The following SVBP variants were observed in gnomAD, a reference collection of about 807,000 sequenced individuals.
SVBP encodes small vasohibin-binding protein.
Under a neutral mutation model 9.2 loss-of-function variants are expected in SVBP, and 9 were observed. The ratio of observed to expected loss-of-function variants is 0.98; its 90% confidence interval spans 0.59 to 1.71. The LOEUF is 1.71. SVBP is among the 40% of genes most tolerant of loss of function. The pLI is 0.00. For missense variants in SVBP, 63 were observed against 73.2 expected (o/e 0.86, Z 0.51); for synonymous variants, 27 against 23.9 (o/e 1.13, Z -0.37).
At chr1:42,817,060 G>T (rs577262930) in intron 1 of SVBP, 130 bp downstream of exon 1, 70 of 90,394 alleles carry the variant, frequency 7.7e-4, no homozygotes, top group South Asian at 2.7e-3. Flanking sequence ...GCCCCCCACC[G>T]CCCGGCCCCC....
At chr1:42,810,127 C>CATACAT (rs1437390664) in intron 2 of SVBP, among the ~76,000 whole-genome samples, 1 of 100,798 alleles carries the variant, frequency 9.9e-6, no homozygotes, top group African/African-American at 4.5e-5. Flanking sequence ...TACATACATA[C>CATACAT]ACACACACAC....
chr1:42,807,471 TTC>T lies in SVBP; in HGVS notation c.142_143del (p.Glu48ThrfsTer7), dbSNP rs1425081495. 6.2e-7 allele frequency: 1 copy of T among 1,613,914 alleles called. No homozygotes were observed. Among genetic ancestry groups the T allele is most frequent in the African/African-American group, 1.3e-5 (1 of 74,928 alleles). On this transcript the variant is annotated frameshift_variant, in exon 3 of 3. Coordinates refer to ENST00000372521, the MANE Select transcript of SVBP (RefSeq NM_199342.4). LOFTEE classifies it high-confidence loss of function. ...ACTCATCAAACTGCTGCTGCTCCAG[TTC>T]TGTCATGACTCTGTTGAGGGCATAG... The part of the protein sequence containing the change: ...EIYALNRVMT[E>X]LEQQQFDEFC...
In SVBP at chr1:42,817,337, G is replaced by T; in HGVS notation, c.-184C>A. 1.0e-6 allele frequency: 1 copy of T among 998,440 alleles called. No homozygotes were observed. The allele number at this position is 998,440 out of a possible 1,614,324, so 61.8% of individuals were successfully genotyped here. A position where few individuals can be genotyped will look rare whatever the true frequency, so the allele number is the denominator to read the frequency against. ...CCTGGGCGGGGCCGCGCGCCGGGGG[G>T]AGGGGCGCAGGGCCGAGCGCCAGGA... On this transcript the variant is annotated 5_prime_UTR_variant, in exon 1 of 3. Coordinates refer to ENST00000372521, the MANE Select transcript of SVBP (RefSeq NM_199342.4).
chr1:42,815,510 C>T (rs1001491542), intron 2 of SVBP, among the ~76,000 whole-genome samples: 21 of 151,240 alleles, frequency 1.4e-4, no homozygotes, highest in African/African-American at 4.6e-4. Flanking sequence ...AAAGGAGACA[C>T]CTAAAAGCTT....
chr1:42,815,838 G>A (rs566320413), intron 2 of SVBP, among the ~76,000 whole-genome samples: 1 of 152,278 alleles, frequency 6.6e-6, no homozygotes, highest in Admixed American at 6.5e-5. Context: ...GTAAAAGGAT[G>A]TAAGACAGGA....
intron 2 of SVBP, chr1:42,813,504 C>T (rs1291679238): frequency 3.7e-6 from 2 of 544,260 alleles, no homozygotes; most frequent in African/African-American, 1.9e-5. Flanking sequence ...TGGATGGTTT[C>T]GATCCAATGG....
At chr1:42,813,342 G>C in intron 2 of SVBP, 1 of 334,580 alleles carries the variant, frequency 3.0e-6, no homozygotes, top group South Asian at 2.8e-5. Flanking sequence ...TTTGACGTTG[G>C]TTCTTCAGAA....
intron 2 of SVBP, among the ~76,000 whole-genome samples, chr1:42,808,686 G>C (rs186961869): frequency 6.7e-6 from 1 of 149,120 alleles, no homozygotes; most frequent in Admixed American, 6.8e-5. Flanking sequence ...TGTATATATC[G>C]CATATATATA....
Position 42,816,227 on chromosome 1 carries a change from G to T in SVBP, c.114+204C>A, listed in dbSNP as rs1032508025. On this transcript the variant is annotated intron_variant, in intron 2 of 2. Transcript: ENST00000372521. The stretch of plus-strand genomic sequence containing the variant: ...CCACAAAAGCTCCGCACCAGACTGG[G>T]GTTCTGACACTAACTTGGCATGTGA... 7.8e-6 allele frequency: 4 copies of T among 513,720 alleles called. No individual in the cohort carries two copies. The Admixed American group carries it at 1.5e-4, about 19-fold the overall frequency. The allele number at this position is 513,720 out of a possible 1,614,324, so 31.8% of individuals were successfully genotyped here. A position where few individuals can be genotyped will look rare whatever the true frequency, so the allele number is the denominator to read the frequency against.
At position 42,817,275 on chromosome 1, in the gene SVBP, C is replaced by T; in HGVS notation, c.-122G>A. 1 of 1,232,622 alleles carries T rather than the reference C, an allele frequency of 8.1e-7. No individual in the cohort carries two copies. The highest frequency in any genetic ancestry group is 1.0e-6 in the Non-Finnish European group (1 of 958,430). The allele number at this position is 1,232,622 out of a possible 1,614,324, so 76.4% of individuals were successfully genotyped here. On this transcript the variant is annotated 5_prime_UTR_variant, in exon 1 of 3. Transcript: ENST00000372521. ...GAGGGTAATCCTCGCCTTCCCCCGA[C>T]CACTGGACCCAGCGCTGCCTGCCCA...
chr1:42,814,633 A>G (rs561326428), intron 2 of SVBP, among the ~76,000 whole-genome samples: 1 of 151,872 alleles, frequency 6.6e-6, no homozygotes, highest in Non-Finnish European at 1.5e-5. Context: ...AAAGAGACTC[A>G]CCATCAGAGA....
At chr1:42,811,672 T>C (rs1216520042) in intron 2 of SVBP, among the ~76,000 whole-genome samples, 5 of 152,246 alleles carry the variant, frequency 3.3e-5, no homozygotes, top group Non-Finnish European at 7.3e-5. Context: ...CTATTCCTTT[T>C]AATGGTCTTC....
At chr1:42,810,131 C>T (rs1287362821) in intron 2 of SVBP, among the ~76,000 whole-genome samples, 1 of 149,598 alleles carries the variant, frequency 6.7e-6, no homozygotes, top group African/African-American at 2.5e-5. Context: ...TACATACACA[C>T]ACACACACAC....
chr1:42,813,293 T>C (rs1371549719), intron 2 of SVBP: 5 of 293,586 alleles, frequency 1.7e-5, no homozygotes, highest in Non-Finnish European at 2.8e-5. Context: ...TTTTATAGCA[T>C]GAAAGGAATT....
At chr1:42,807,952 A>G (rs1001315553) in intron 2 of SVBP, among the ~76,000 whole-genome samples, 3 of 151,750 alleles carry the variant, frequency 2.0e-5, no homozygotes, top group Admixed American at 1.3e-4. Flanking sequence ...AAAAGTATAG[A>G]GTCTGTTCTG....
chr1:42,817,110 C>T (rs1654240073), intron 1 of SVBP, 80 bp downstream of exon 1: 1 of 1,098,760 alleles, frequency 9.1e-7, no homozygotes, highest in Non-Finnish European at 1.1e-6. Flanking sequence ...GGGACGGCCC[C>T]CGCCTCCTGC....
At chr1:42,812,885 A>C (rs1654110285) in intron 2 of SVBP, among the ~76,000 whole-genome samples, 1 of 152,248 alleles carries the variant, frequency 6.6e-6, no homozygotes, top group Non-Finnish European at 1.5e-5. Context: ...TTTTTAAAAA[A>C]ACAGGCTTAA....
At position 42,815,449 on chromosome 1, in the gene SVBP, C is replaced by T. The variant is rs1654179302; in HGVS notation, c.114+982G>A. Among the ~76,000 whole-genome samples the T allele has an allele frequency of 2.7e-5, 4 of 150,024 alleles. No homozygotes were observed. The South Asian group carries it at 6.3e-4, about 24-fold the overall frequency. On this transcript the variant is annotated intron_variant, in intron 2 of 2. Coordinates refer to ENST00000372521, the MANE Select transcript of SVBP (RefSeq NM_199342.4). Reference sequence around the variant, plus strand: ...AATGTCTAGTAAAATTGAGAATGTACCCAGTAATTTTTCTAGTTAAATAAC... The same window carrying T: ...AATGTCTAGTAAAATTGAGAATGTATCCAGTAATTTTTCTAGTTAAATAAC...
At position 42,816,365 on chromosome 1, in the gene SVBP, T is replaced by C. The variant is rs182751175; in HGVS notation, c.114+66A>G. The C allele has an allele frequency of 3.5e-4, 411 of 1,160,234 alleles. No homozygotes were observed. The African/African-American group carries it at 4.7e-3, about 13-fold the overall frequency. 71.9% of individuals were successfully genotyped at this position (1,160,234 alleles called of 1,614,324 possible). ...GCTCGCTGTCAGTTCTCCTTTCTGC[T>C]GTTTCTCTATTCCAGCATCATCTCC... On this transcript the variant is annotated intron_variant, in intron 2 of 2. Coordinates refer to ENST00000372521, the MANE Select transcript of SVBP (RefSeq NM_199342.4).
Sources: gnomAD v4.1 joint callset for allele counts (sites outside exome capture counted in the v4.1 genomes callset) on GRCh38, gnomAD v4.1.1 for gene constraint, MANE v1.5 for transcripts, NCBI Gene and HGNC (gene_info 2026-07-23, HGNC 2026-07-21) for gene names.